The following MPDZ variants were observed in gnomAD, a reference collection of about 807,000 sequenced individuals.
The protein encoded by MPDZ is multiple PDZ domain crumbs cell polarity complex component.
In MPDZ, 234 loss-of-function variants were observed where a neutral mutation model predicts 239.1. That is an observed-to-expected ratio of 0.98 (90% CI 0.88 to 1.09). The LOEUF is 1.09. MPDZ is among the 50% of genes least tolerant of loss of function. The pLI is 0.00. For synonymous variants in MPDZ, 1,048 were observed against 881.3 expected (o/e 1.19, Z -3.35); for missense variants, 3,175 against 2,510.0 (o/e 1.26, Z -5.66).
chr9:13,110,709 G>A lies in MPDZ; in HGVS notation c.5756C>T (p.Thr1919Ile), dbSNP rs767463295. ...GGTGTGAGTCATGCCCTCAGTGGATGTGCCACAGATGGTGACAATCCTATC... is the reference window on the plus strand; with the variant it reads ...GGTGTGAGTCATGCCCTCAGTGGATATGCCACAGATGGTGACAATCCTATC... Reference protein sequence around the residue: ...VGDRIVTICGTSTEGMTHTQA... With the variant: ...VGDRIVTICGISTEGMTHTQA... The change falls in exon 44 of 47, where the codon ACA (threonine) becomes ATA (isoleucine). Residue 1919 changes from threonine to isoleucine, a missense_variant. Coordinates refer to ENST00000319217, the MANE Select transcript of MPDZ (RefSeq NM_001378778.1). 5 of 1,613,562 alleles carry A rather than the reference G, an allele frequency of 3.1e-6. No individual in the cohort carries two copies. The East Asian group carries it at 6.7e-5, about 22-fold the overall frequency.
At chr9:13,116,042 T>C (rs1379557882) in intron 39 of MPDZ, among the ~76,000 whole-genome samples, 3 of 151,910 alleles carry the variant, frequency 2.0e-5, no homozygotes, top group Non-Finnish European at 4.4e-5. Context: ...AAGAGGTACT[T>C]AGATAATTGG....
In MPDZ at chr9:13,190,220, C is replaced by T; in HGVS notation, c.2048G>A (p.Ser683Asn). 1.2e-6 allele frequency: 2 copies of T among 1,613,094 alleles called. No homozygotes were observed. The highest frequency in any genetic ancestry group is 1.7e-6 in the Non-Finnish European group (2 of 1,179,508). ...CAAAGGTGCTTGAACCTCTTCTGTA[C>T]TCTGACCCGCATCAGTCATCGCCAG... is the stretch of plus-strand genomic sequence containing the variant. ...PVLAMTDAGQ[S>N]TEEVQAPLAM... The change falls in exon 16 of 47, where the codon AGT becomes AAT. Residue 683 changes from serine (S) to asparagine (N), a missense_variant. Transcript: ENST00000319217.
chr9:13,170,380 T>C (rs763171863), intron 21 of MPDZ, among the ~76,000 whole-genome samples: 7 of 152,184 alleles, frequency 4.6e-5, no homozygotes, highest in Non-Finnish European at 8.8e-5. Flanking sequence ...CATTTTTAAA[T>C]GTACTTAAAA....
At chr9:13,189,364 T>C (rs1000970286) in intron 16 of MPDZ, among the ~76,000 whole-genome samples, 9 of 152,090 alleles carry the variant, frequency 5.9e-5, no homozygotes, top group African/African-American at 1.7e-4. Context: ...AATAGGGTGT[T>C]ACTGTATGGA....
At chr9:13,206,835 C>T (rs988408526) in intron 10 of MPDZ, among the ~76,000 whole-genome samples, 4 of 152,098 alleles carry the variant, frequency 2.6e-5, no homozygotes, top group Non-Finnish European at 4.4e-5. Context: ...AGCCACTGCA[C>T]CCGGCCTACT....
chr9:13,127,506 G>C (rs187555984), intron 32 of MPDZ, among the ~76,000 whole-genome samples: 2 of 152,216 alleles, frequency 1.3e-5, no homozygotes, highest in Admixed American at 6.5e-5. Flanking sequence ...TTCATTGCCA[G>C]AGCTAGCCAC....
chr9:13,215,903 G>A (rs549125358), intron 10 of MPDZ, among the ~76,000 whole-genome samples: 4 of 148,022 alleles, frequency 2.7e-5, no homozygotes, highest in Non-Finnish European at 5.9e-5. Flanking sequence ...AAGTAGCTAG[G>A]ACTACAGGCA....
intron 3 of MPDZ, among the ~76,000 whole-genome samples, chr9:13,246,751 T>C (rs188231867): frequency 1.3e-5 from 2 of 152,330 alleles, no homozygotes; most frequent in East Asian, 3.9e-4. Flanking sequence ...ATGAAACTAA[T>C]CTTCAAGTTT....
intron 19 of MPDZ, among the ~76,000 whole-genome samples, chr9:13,180,451 C>T (rs374592970): frequency 9.2e-5 from 14 of 151,770 alleles, no homozygotes; most frequent in African/African-American, 2.9e-4. Flanking sequence ...TGAGTGTACA[C>T]GGGAGGGCAG....
chr9:13,222,409 T>C lies in MPDZ; in HGVS notation c.571A>G (p.Ile191Val). ...RLKETDQILA[I>V]NGQALDQTIT... ...GTCTGATCAAGAGCCTGTCCATTGA[T>C]AGCAAGAATTTGATCAGTTTCTTTC... The change falls in exon 6 of 47, where the codon ATC becomes GTC. Residue 191 changes from isoleucine (I) to valine (V), a missense_variant. Transcript: ENST00000319217. The C allele has an allele frequency of 6.2e-7, 1 of 1,612,612 alleles. No individual in the cohort carries two copies. Among genetic ancestry groups the C allele is most frequent in the Non-Finnish European group, 8.5e-7 (1 of 1,179,168 alleles).
intron 1 of MPDZ, among the ~76,000 whole-genome samples, chr9:13,259,395 A>C (rs557028757): frequency 6.5e-4 from 99 of 152,244 alleles, no homozygotes; most frequent in Non-Finnish European, 1.1e-3. Flanking sequence ...AAAGGACTCA[A>C]ATTCTGTCAT....
intron 32 of MPDZ, among the ~76,000 whole-genome samples, chr9:13,131,194 A>G (rs1026977113): frequency 6.6e-6 from 1 of 152,170 alleles, no homozygotes; most frequent in African/African-American, 2.4e-5. Flanking sequence ...TCCCAGAGCC[A>G]TGTAATAATG....
intron 38 of MPDZ, 97 bp from the exon 39 acceptor site, chr9:13,119,746 G>C (rs1446700539): frequency 1.4e-6 from 2 of 1,435,890 alleles, no homozygotes; most frequent in African/African-American, 2.8e-5. Flanking sequence ...ATTTTTACTT[G>C]TTTTTATGAC....
intron 21 of MPDZ, among the ~76,000 whole-genome samples, chr9:13,170,950 A>C (rs1045601288): frequency 1.1e-4 from 16 of 152,078 alleles, no homozygotes; most frequent in Non-Finnish European, 2.2e-4. Flanking sequence ...TTTTTCCTGG[A>C]AGAAGTATTA....
intron 5 of MPDZ, among the ~76,000 whole-genome samples, chr9:13,222,793 T>C (rs1035890049): frequency 2.6e-5 from 4 of 151,934 alleles, no homozygotes; most frequent in African/African-American, 4.8e-5. Context: ...TCCACATCCA[T>C]AGATTAGATC....
chr9:13,168,187 CAAAG>C (rs1283241027), intron 22 of MPDZ, among the ~76,000 whole-genome samples, 175 bp downstream of exon 22: 1 of 151,996 alleles, frequency 6.6e-6, no homozygotes, highest in African/African-American at 2.4e-5. Context: ...GATATAGTCT[CAAAG>C]AAACTAAACT....
chr9:13,225,478 T>C (rs1960275588), intron 3 of MPDZ, among the ~76,000 whole-genome samples: 1 of 151,978 alleles, frequency 6.6e-6, no homozygotes. Flanking sequence ...GGCCTTCACA[T>C]GCACTCACCA....
At chr9:13,234,703 G>A (rs911630801) in intron 3 of MPDZ, among the ~76,000 whole-genome samples, 6 of 152,058 alleles carry the variant, frequency 3.9e-5, no homozygotes, top group African/African-American at 1.4e-4. Flanking sequence ...TACATTGCTA[G>A]TTCAGTTTCC....
chr9:13,271,497 T>C (rs1293256892), intron 1 of MPDZ, among the ~76,000 whole-genome samples: 1 of 152,182 alleles, frequency 6.6e-6, no homozygotes, highest in African/African-American at 2.4e-5. Context: ...AAGATGATCA[T>C]CTCTCCCTTA....
Sources: gnomAD v4.1 joint callset for allele counts (sites outside exome capture counted in the v4.1 genomes callset) on GRCh38, gnomAD v4.1.1 for gene constraint, MANE v1.5 for transcripts, NCBI Gene and HGNC (gene_info 2026-07-23, HGNC 2026-07-21) for gene names.